Variants in MORC3 observed in about 807,000 individuals in gnomAD.
The protein encoded by MORC3 is MORC family CW-type zinc finger 3, also known as MORC family CW-type zinc finger protein 3.
In MORC3, 31 loss-of-function variants were observed where a neutral mutation model predicts 109.1. That is an observed-to-expected ratio of 0.28 (90% CI 0.21 to 0.38). MORC3 has a LOEUF of 0.38. Among genes scored for constraint, MORC3 ranks in the 10% least tolerant of loss-of-function variants. The pLI, the probability that MORC3 is intolerant of heterozygous loss-of-function variation, is 1.00. For missense variants in MORC3, 867 were observed against 1,135.8 expected, an observed-to-expected ratio of 0.76 and a Z score of 3.40; for synonymous variants, 395 against 380.7, an observed-to-expected ratio of 1.04 and a Z score of -0.44.
At chr21:36,373,261 A>G (rs1021673527) in intron 16 of MORC3, among the ~76,000 whole-genome samples, 1 of 151,914 alleles carries the variant, frequency 6.6e-6, no homozygotes, top group Admixed American at 6.6e-5. Flanking sequence ...AATCGCTTGA[A>G]CCTAGGAGGT....
chr21:36,368,839 T>C, intron 14 of MORC3, 149 bp from the exon 15 acceptor site: 1 of 694,008 alleles, frequency 1.4e-6, no homozygotes, highest in East Asian at 2.9e-5. Context: ...ACTGTGCCAT[T>C]GCACTCTAGC....
chr21:36,351,820 A>G (rs2085576143), intron 9 of MORC3, among the ~76,000 whole-genome samples: 1 of 152,232 alleles, frequency 6.6e-6, no homozygotes, highest in Non-Finnish European at 1.5e-5. Context: ...ATGATTGAAC[A>G]ATCACATGGC....
intron 12 of MORC3, among the ~76,000 whole-genome samples, chr21:36,361,162 G>C (rs556993129): frequency 3.9e-5 from 6 of 152,008 alleles, no homozygotes; most frequent in African/African-American, 1.4e-4. Context: ...ACCACACACA[G>C]AAGGCCAGGT....
intron 5 of MORC3, chr21:36,339,201 C>T (rs1057164695): frequency 8.8e-6 from 2 of 227,370 alleles, no homozygotes; most frequent in Non-Finnish European, 1.7e-5. Flanking sequence ...CTGACTGCAG[C>T]CTCCGCCTCC....
chr21:36,355,735 G>C (rs561337460), intron 9 of MORC3, among the ~76,000 whole-genome samples: 25 of 151,718 alleles, frequency 1.6e-4, no homozygotes, highest in African/African-American at 6.0e-4. Context: ...ATAGCTTGAG[G>C]CCAGGAGTTC....
chr21:36,350,857 A>G (rs531545082), intron 9 of MORC3, among the ~76,000 whole-genome samples: 2 of 152,256 alleles, frequency 1.3e-5, no homozygotes, highest in East Asian at 1.9e-4. Context: ...TATTTAAAAC[A>G]ATACATAATA....
In MORC3 at chr21:36,375,320, TATTTGCTCA is replaced by T; in HGVS notation, c.*28_*36del. ...AAAGTATATGTTATGTAAGATAAAA[TATTTGCTCA>T]ATTCTTTTGGTTGTACAGCTTTCAA... is the stretch of plus-strand genomic sequence containing the variant. On this transcript the variant is annotated 3_prime_UTR_variant, in exon 17 of 17. Coordinates refer to ENST00000400485, the MANE Select transcript of MORC3 (RefSeq NM_015358.3). The T allele has an allele frequency of 6.3e-7, 1 of 1,582,172 alleles. No individual in the cohort carries two copies. Among genetic ancestry groups the T allele is most frequent in the Middle Eastern group, 1.7e-4 (1 of 5,934 alleles).
At chr21:36,367,328 C>G (rs2085792445) in intron 14 of MORC3, among the ~76,000 whole-genome samples, 1 of 152,184 alleles carries the variant, frequency 6.6e-6, no homozygotes, top group Non-Finnish European at 1.5e-5. Context: ...ATCACAAGCT[C>G]AGCCCTAACT....
At chr21:36,333,827 G>A (rs1463704450) in intron 2 of MORC3, 109 bp downstream of exon 2, 1 of 897,536 alleles carries the variant, frequency 1.1e-6, no homozygotes, top group African/African-American at 1.7e-5. Flanking sequence ...CTGTCGCCCA[G>A]GCTGGAGTGC....
At chr21:36,333,813 C>G (rs1425408140) in intron 2 of MORC3, 95 bp downstream of exon 2, 4 of 1,017,004 alleles carry the variant, frequency 3.9e-6, no homozygotes, top group Non-Finnish European at 5.8e-6. Context: ...AACAGAGTCT[C>G]TCTCTGTCGC....
chr21:36,330,718 T>C (rs558296404), intron 1 of MORC3, among the ~76,000 whole-genome samples: 3 of 152,170 alleles, frequency 2.0e-5, no homozygotes, highest in Non-Finnish European at 4.4e-5. Flanking sequence ...GGTTAAGATG[T>C]AGAGTGGGGG....
intron 12 of MORC3, 131 bp from the exon 13 acceptor site, chr21:36,362,052 A>G: frequency 2.0e-6 from 2 of 976,742 alleles, no homozygotes; most frequent in Non-Finnish European, 3.2e-6. Flanking sequence ...GTATTTCCTG[A>G]AGGGCTTACT....
chr21:36,356,606 A>T lies in MORC3; in HGVS notation c.1104-14A>T. 7.2e-7 allele frequency: 1 copy of T among 1,389,260 alleles called. No homozygotes were observed. Among genetic ancestry groups the T allele is most frequent in the Non-Finnish European group, 9.8e-7 (1 of 1,019,770 alleles). 86.1% of individuals were successfully genotyped at this position (1,389,260 alleles called of 1,614,324 possible). A position where few individuals can be genotyped will look rare whatever the true frequency, so the allele number is the denominator to read the frequency against. On this transcript the variant is annotated splice_polypyrimidine_tract_variant and intron_variant, in intron 9 of 16. Coordinates refer to ENST00000400485, the MANE Select transcript of MORC3 (RefSeq NM_015358.3). ...AAAAGAATTTTTTCTTGATTTTATG[A>T]TTTACTTTTTAAGACTTACAATAAC...
At chr21:36,357,725 GGTT>G (rs1353378757) in intron 10 of MORC3, among the ~76,000 whole-genome samples, 1 of 149,928 alleles carries the variant, frequency 6.7e-6, no homozygotes, top group Admixed American at 6.6e-5. Context: ...TTGGTTGGTT[GGTT>G]GGGTTTTTTT....
At chr21:36,346,271 G>A (rs757305814) in intron 8 of MORC3, among the ~76,000 whole-genome samples, 5 of 152,166 alleles carry the variant, frequency 3.3e-5, no homozygotes, top group Admixed American at 6.6e-5. Flanking sequence ...CACCCACGTC[G>A]GCTTCTCAGC....
At chr21:36,345,909 T>G (rs1048238430) in intron 8 of MORC3, among the ~76,000 whole-genome samples, 14 of 152,250 alleles carry the variant, frequency 9.2e-5, no homozygotes, top group Non-Finnish European at 2.1e-4. Flanking sequence ...TGGCGCAATT[T>G]TGGCTCACTG....
At chr21:36,333,055 G>A (rs904982148) in intron 1 of MORC3, among the ~76,000 whole-genome samples, 2 of 152,082 alleles carry the variant, frequency 1.3e-5, no homozygotes, top group African/African-American at 4.8e-5. Context: ...CCAAAGTGGT[G>A]GGATTACAGG....
chr21:36,353,011 T>A (rs2085591631), intron 9 of MORC3, among the ~76,000 whole-genome samples: 1 of 151,940 alleles, frequency 6.6e-6, no homozygotes, highest in African/African-American at 2.4e-5. Context: ...AACATGTATT[T>A]CATATGTTAA....
At chr21:36,327,600 A>G (rs1047291668) in intron 1 of MORC3, among the ~76,000 whole-genome samples, 1 of 151,368 alleles carries the variant, frequency 6.6e-6, no homozygotes, top group African/African-American at 2.5e-5. Context: ...CGTCATTTCA[A>G]AGTTAAAAAC....
Sources: gnomAD v4.1 joint callset for allele counts (sites outside exome capture counted in the v4.1 genomes callset) on GRCh38, gnomAD v4.1.1 for gene constraint, MANE v1.5 for transcripts, NCBI Gene and HGNC (gene_info 2026-07-23, HGNC 2026-07-21) for gene names.